TBC1D23: variants seen among roughly 807,000 people sequenced by gnomAD.
The protein encoded by TBC1D23 is HCV non-structural protein 4A-transactivated protein 1.
In TBC1D23, 55 loss-of-function variants were observed where a neutral mutation model predicts 91.4. That is an observed-to-expected ratio of 0.60 (90% CI 0.48 to 0.75). The LOEUF is 0.75. Among genes scored for constraint, TBC1D23 ranks in the 30% least tolerant of loss-of-function variants. The pLI is 0.00. For synonymous variants in TBC1D23, 289 were observed against 281.0 expected (o/e 1.03, Z -0.28); for missense variants, 725 against 836.1 (o/e 0.87, Z 1.64).
chr3:100,293,750 A>T (rs1479763773), intron 5 of TBC1D23, among the ~76,000 whole-genome samples: 1 of 152,170 alleles, frequency 6.6e-6, no homozygotes, highest in Admixed American at 6.5e-5. Flanking sequence ...TCTGTTCCCA[A>T]CACCACTCAC....
intron 5 of TBC1D23, among the ~76,000 whole-genome samples, chr3:100,291,400 T>C (rs1576170274): frequency 6.6e-6 from 1 of 152,226 alleles, no homozygotes; most frequent in East Asian, 1.9e-4. Flanking sequence ...CTGGCCAACA[T>C]GGCGAAACTT....
intron 18 of TBC1D23, among the ~76,000 whole-genome samples, chr3:100,321,847 A>T (rs1311243479): frequency 6.7e-6 from 1 of 148,842 alleles, no homozygotes; most frequent in African/African-American, 2.5e-5. Flanking sequence ...AAAAAAAATC[A>T]CTTCATTGCT....
chr3:100,319,079 C>T lies in TBC1D23; in HGVS notation c.1698C>T (p.Asp566=). The T allele has an allele frequency of 6.4e-7, 1 of 1,559,958 alleles. No individual in the cohort carries two copies. The change falls in exon 17 of 19, where the codon GAC becomes GAT. Residue 566 remains aspartate, a synonymous_variant. Transcript: ENST00000394144. ...DEEEYDTDEI[D]SSSMSDDDRK... ...TTGTATTTTTTATAGATGAAATTGA[C>T]AGTTCTTCAATGTCAGATGATGATA... is the stretch of plus-strand genomic sequence containing the variant.
At chr3:100,297,895 TAA>T in intron 8 of TBC1D23, 26 bp from the exon 9 acceptor site, 1 of 1,534,392 alleles carries the variant, frequency 6.5e-7, no homozygotes, top group Admixed American at 2.0e-5. Context: ...TTTTTTTTCA[TAA>T]TGTTTAAAAA....
intron 11 of TBC1D23, among the ~76,000 whole-genome samples, chr3:100,303,265 AT>A (rs1705464862): frequency 6.6e-6 from 1 of 152,186 alleles, no homozygotes; most frequent in African/African-American, 2.4e-5. Flanking sequence ...ATTCATTTCT[AT>A]TTATGTTGTA....
intron 4 of TBC1D23, among the ~76,000 whole-genome samples, chr3:100,286,183 G>A (rs1204194711): frequency 6.6e-6 from 1 of 152,164 alleles, no homozygotes; most frequent in African/African-American, 2.4e-5. Flanking sequence ...ATATTTAGGA[G>A]TCATTTTGTT....
chr3:100,304,110 A>G (rs1161397678), intron 11 of TBC1D23, among the ~76,000 whole-genome samples: 2 of 152,074 alleles, frequency 1.3e-5, no homozygotes, highest in East Asian at 3.9e-4. Context: ...CTTTTAGTTT[A>G]TAGGTTCCTT....
intron 10 of TBC1D23, among the ~76,000 whole-genome samples, chr3:100,300,245 G>A (rs1054324844): frequency 3.3e-5 from 5 of 152,074 alleles, no homozygotes; most frequent in Admixed American, 2.0e-4. Flanking sequence ...CACAGGAATG[G>A]GATGAGAAAC....
intron 15 of TBC1D23, among the ~76,000 whole-genome samples, chr3:100,313,750 T>A (rs1391570362): frequency 6.6e-6 from 1 of 152,176 alleles, no homozygotes; most frequent in East Asian, 1.9e-4. Flanking sequence ...ATATAAAATT[T>A]TACAATCTAG....
intron 14 of TBC1D23, among the ~76,000 whole-genome samples, chr3:100,311,226 A>G (rs576433114): frequency 6.6e-6 from 1 of 152,318 alleles, no homozygotes; most frequent in African/African-American, 2.4e-5. Context: ...AATGTGTTAT[A>G]GTATTTGGTT....
intron 5 of TBC1D23, among the ~76,000 whole-genome samples, chr3:100,292,319 A>T (rs1200440478): frequency 1.3e-5 from 2 of 152,150 alleles, no homozygotes; most frequent in Non-Finnish European, 2.9e-5. Context: ...AGGAGACTAT[A>T]TGTTCATATC....
intron 4 of TBC1D23, among the ~76,000 whole-genome samples, chr3:100,288,327 T>TA (rs1348976723): frequency 1.3e-5 from 2 of 152,188 alleles, no homozygotes; most frequent in African/African-American, 4.8e-5. Context: ...TTCATTTTCT[T>TA]TACAGTTTGC....
chr3:100,269,412 A>G (rs2067583612), intron 1 of TBC1D23, among the ~76,000 whole-genome samples: 1 of 152,216 alleles, frequency 6.6e-6, no homozygotes, highest in Admixed American at 6.5e-5. Flanking sequence ...TGCTTGTAAC[A>G]AGCATGTCTG....
In TBC1D23 at chr3:100,310,432, A is replaced by T; in HGVS notation, c.1443A>T (p.Arg481Ser). ...DGESPNGSSD[R>S]GMKSLVNKMT... is the part of the protein sequence containing the mutation. ...AATCTCCTAATGGCTCAAGTGATAG[A>T]GGAATGAAATCACTAGTAAATAAAA... The change falls in exon 14 of 19, where the codon AGA becomes AGT. Residue 481 changes from arginine (R) to serine (S), a missense_variant. Coordinates refer to ENST00000394144, the MANE Select transcript of TBC1D23 (RefSeq NM_001199198.3). 2 of 1,612,682 alleles carry T rather than the reference A, an allele frequency of 1.2e-6. No individual in the cohort carries two copies. The highest frequency in any genetic ancestry group is 8.5e-7 in the Non-Finnish European group (1 of 1,179,246).
In TBC1D23 at chr3:100,310,395, T is replaced by C. The variant is rs1456121675; in HGVS notation, c.1414-8T>C. On this transcript the variant is annotated splice_region_variant and splice_polypyrimidine_tract_variant and intron_variant, in intron 13 of 18. Transcript: ENST00000394144. ...AGAGGCAGTTAATCCATTATGTTCT[T>C]TTTTTAGGGTGAATCTCCTAATGGC... The C allele has an allele frequency of 6.2e-7, 1 of 1,608,810 alleles. No individual in the cohort carries two copies. The highest frequency in any genetic ancestry group is 8.5e-7 in the Non-Finnish European group (1 of 1,178,068).
At chr3:100,312,795 C>T (rs552589039) in intron 15 of TBC1D23, among the ~76,000 whole-genome samples, 43 of 152,092 alleles carry the variant, frequency 2.8e-4, no homozygotes, top group African/African-American at 9.4e-4. Context: ...GAATTTTTCT[C>T]GGGTCACTTC....
intron 5 of TBC1D23, among the ~76,000 whole-genome samples, chr3:100,292,188 G>A (rs538850577): frequency 3.3e-5 from 5 of 152,246 alleles, no homozygotes; most frequent in Non-Finnish European, 7.4e-5. Flanking sequence ...CAATAGTTTT[G>A]ACCTTACAGA....
intron 1 of TBC1D23, among the ~76,000 whole-genome samples, chr3:100,271,756 A>G (rs2067601322): frequency 6.6e-6 from 1 of 152,158 alleles, no homozygotes; most frequent in African/African-American, 2.4e-5. Context: ...CACTATTGTT[A>G]TATGATAGCA....
At chr3:100,266,522 C>CCCTA (rs1262533705) in intron 1 of TBC1D23, among the ~76,000 whole-genome samples, 3 of 152,158 alleles carry the variant, frequency 2.0e-5, no homozygotes, top group African/African-American at 7.2e-5. Flanking sequence ...ACCCTCCTCA[C>CCCTA]CCTACCACAG....
Sources: gnomAD v4.1 joint callset for allele counts (sites outside exome capture counted in the v4.1 genomes callset) on GRCh38, gnomAD v4.1.1 for gene constraint, MANE v1.5 for transcripts, NCBI Gene and HGNC (gene_info 2026-07-23, HGNC 2026-07-21) for gene names.